The following CFAP54 variants were observed in gnomAD, a reference collection of about 807,000 sequenced individuals.
CFAP54 encodes cilia and flagella associated protein 54.
CFAP54 carries 290 observed loss-of-function variants against 370.4 expected under a neutral mutation model. The observed-to-expected ratio is 0.78, with a 90% CI of 0.71 to 0.86. CFAP54 has a LOEUF of 0.86. Ranked by LOEUF, CFAP54 falls within the 40% of genes least tolerant of loss-of-function variation. The pLI is 0.00. For missense variants in CFAP54, 3,399 were observed against 3,528.7 expected (o/e 0.96, Z 0.93); for synonymous variants, 1,206 against 1,236.5 (o/e 0.98, Z 0.52).
chr12:96,804,351 TTC>T (rs1455181910), intron 63 of CFAP54, among the ~76,000 whole-genome samples: 2 of 152,148 alleles, frequency 1.3e-5, no homozygotes, highest in Non-Finnish European at 2.9e-5. Context: ...GTCAAATCAC[TTC>T]TGTTTGCTGA....
At chr12:96,612,451 C>A (rs528030642) in intron 26 of CFAP54, among the ~76,000 whole-genome samples, 1 of 152,308 alleles carries the variant, frequency 6.6e-6, no homozygotes, top group South Asian at 2.1e-4. Flanking sequence ...ATTGTAAAGA[C>A]CATCGATGCT....
Position 96,504,951 on chromosome 12 carries a change from TTTTC to T in CFAP54, c.567+943_567+946del, listed in dbSNP as rs748953509. ...TTTTTCTTTCTTCCTCTTTCTTTCT[TTTTC>T]TTTCTTTCTTTCTTTCTTTCCCTTT... On this transcript the variant is annotated intron_variant, in intron 3 of 67. Transcript: ENST00000524981. Among the ~76,000 whole-genome samples the T allele has an allele frequency of 6.6e-3, 938 of 142,566 alleles. 7 individuals carry two copies. Among genetic ancestry groups the T allele is most frequent in the African/African-American group, 0.016 (645 of 40,568 alleles). The allele number at this position is 142,566 out of a possible 152,430, so 93.5% of individuals were successfully genotyped here.
intron 55 of CFAP54, among the ~76,000 whole-genome samples, chr12:96,751,621 G>A (rs558798639): frequency 6.6e-6 from 1 of 152,268 alleles, no homozygotes; most frequent in East Asian, 1.9e-4. Context: ...AAGGGGAGAT[G>A]TTGAAATATG....
At chr12:96,792,084 G>A (rs377719191) in intron 62 of CFAP54, among the ~76,000 whole-genome samples, 3 of 152,016 alleles carry the variant, frequency 2.0e-5, no homozygotes, top group Admixed American at 1.3e-4. Context: ...ACTCCTGACC[G>A]TGTGATCCAC....
Position 96,651,728 on chromosome 12 carries a change from C to T in CFAP54, c.5013C>T (p.Phe1671=), listed in dbSNP as rs1464335807. 1.2e-6 allele frequency: 2 copies of T among 1,613,832 alleles called. No individual in the cohort carries two copies. Among genetic ancestry groups the T allele is most frequent in the East Asian group, 4.5e-5 (2 of 44,874 alleles). ...CATTTCCTATTAGCCAAGATGGTTTCCTCTGCACCTCTGTTTTACCATTCT... is the reference window on the plus strand; with the variant it reads ...CATTTCCTATTAGCCAAGATGGTTTTCTCTGCACCTCTGTTTTACCATTCT... ...DKTFPISQDG[F]LCTSVLPFYL... The change falls in exon 36 of 68, where the codon TTC becomes TTT. Residue 1671 remains phenylalanine (F), a synonymous_variant. Transcript: ENST00000524981.
At chr12:96,531,708 T>C (rs1955441807) in intron 9 of CFAP54, among the ~76,000 whole-genome samples, 2 of 152,188 alleles carry the variant, frequency 1.3e-5, no homozygotes, top group South Asian at 4.1e-4. Context: ...TCAACAATGA[T>C]ATACTTTTTT....
At chr12:96,658,473 T>G (rs1956950464) in intron 38 of CFAP54, 127 bp downstream of exon 38, 2 of 1,154,794 alleles carry the variant, frequency 1.7e-6, no homozygotes, top group African/African-American at 1.6e-5. Flanking sequence ...TTACTGGCAT[T>G]TATCATTCAA....
intron 58 of CFAP54, among the ~76,000 whole-genome samples, chr12:96,763,280 TA>T (rs1369912955): frequency 6.6e-6 from 1 of 151,848 alleles, no homozygotes; most frequent in African/African-American, 2.4e-5. Context: ...ACCCCCATGG[TA>T]AAAAAAATCC....
At position 96,624,118 on chromosome 12, in the gene CFAP54, C is replaced by T. The variant is rs375936411; in HGVS notation, c.3886+237C>T. ...CTTAGGATTACATAGCTGGCTTGGA[C>T]TTGAGCCTGTGTCTTCTGACTCTAA... On this transcript the variant is annotated intron_variant, in intron 28 of 67. Transcript: ENST00000524981. Among the ~76,000 whole-genome samples the T allele has an allele frequency of 2.6e-5, 4 of 152,176 alleles. No homozygotes were observed. In the South Asian group the frequency reaches 8.3e-4, roughly 31 times the overall value.
chr12:96,550,209 G>GAT (rs1592846246), intron 15 of CFAP54, among the ~76,000 whole-genome samples: 1 of 152,072 alleles, frequency 6.6e-6, no homozygotes, highest in Admixed American at 6.6e-5. Flanking sequence ...TAAAGATGAT[G>GAT]GTGGTGGTAG....
intron 52 of CFAP54, 57 bp from the exon 53 acceptor site, chr12:96,743,345 A>G (rs1290002454): frequency 1.3e-6 from 2 of 1,566,616 alleles, no homozygotes; most frequent in Non-Finnish European, 1.7e-6. Flanking sequence ...GCTATTACAC[A>G]TGTATAACTT....
intron 42 of CFAP54, among the ~76,000 whole-genome samples, chr12:96,687,123 T>C (rs540373393): frequency 1.3e-5 from 2 of 152,254 alleles, no homozygotes; most frequent in East Asian, 3.9e-4. Flanking sequence ...CCTCTCTCTG[T>C]CTGTCTCTCA....
chr12:96,556,882 A>G (rs1273672608), intron 17 of CFAP54, among the ~76,000 whole-genome samples: 3 of 151,876 alleles, frequency 2.0e-5, no homozygotes, highest in African/African-American at 4.9e-5. Context: ...GAGGGGAACA[A>G]TAGACACTGG....
chr12:96,699,638 CAAA>C (rs541656249), intron 45 of CFAP54, among the ~76,000 whole-genome samples: 1 of 151,384 alleles, frequency 6.6e-6, no homozygotes, highest in Non-Finnish European at 1.5e-5. Context: ...GTAATGGGAA[CAAA>C]AAAAATCATT....
chr12:96,719,548 C>T (rs1476810005), intron 49 of CFAP54, among the ~76,000 whole-genome samples: 1 of 152,190 alleles, frequency 6.6e-6, no homozygotes, highest in East Asian at 1.9e-4. Flanking sequence ...CCACATTATT[C>T]ACAGATTCTG....
chr12:96,827,899 A>G (rs1214644566), intron 65 of CFAP54, among the ~76,000 whole-genome samples: 1 of 113,988 alleles, frequency 8.8e-6, no homozygotes, highest in Non-Finnish European at 1.7e-5. Flanking sequence ...ATATATAATT[A>G]TATATAATAC....
At chr12:96,531,665 C>A (rs1955441366) in intron 9 of CFAP54, among the ~76,000 whole-genome samples, 1 of 152,012 alleles carries the variant, frequency 6.6e-6, no homozygotes, top group Non-Finnish European at 1.5e-5. Context: ...TCTCTCTGTT[C>A]TACTCTTCTG....
chr12:96,663,863 A>C lies in CFAP54; in HGVS notation c.5494A>C (p.Lys1832Gln). The C allele has an allele frequency of 1.2e-6, 2 of 1,613,284 alleles. No homozygotes were observed. The highest frequency in any genetic ancestry group is 8.5e-7 in the Non-Finnish European group (1 of 1,179,604). Reference sequence around the variant, plus strand: ...CCGAAATTTCATTGGGAAGCAGCTTAAGATTAATTCTTCAACCATTGAAGC... The same window carrying C: ...CCGAAATTTCATTGGGAAGCAGCTTCAGATTAATTCTTCAACCATTGAAGC... ...TCRNFIGKQLKINSSTIEATS... is the reference protein window; with the variant it reads ...TCRNFIGKQLQINSSTIEATS... The change falls in exon 39 of 68, where the codon AAG (lysine) becomes CAG (glutamine). Residue 1832 changes from lysine to glutamine, a missense_variant. By Grantham distance (53) the Lys-to-Gln change is moderately conservative. Transcript: ENST00000524981.
Position 96,651,894 on chromosome 12 carries a change from GTT to G in CFAP54, c.5100+89_5100+90del, listed in dbSNP as rs11314540. The G allele has an allele frequency of 4.2e-3, 2,928 of 689,198 alleles. 56 individuals are homozygous for G. The highest frequency in any genetic ancestry group is 0.041 in the African/African-American group (2,188 of 53,934). 42.7% of individuals were successfully genotyped at this position (689,198 alleles called of 1,614,324 possible). On this transcript the variant is annotated intron_variant, in intron 36 of 67. Transcript: ENST00000524981. The stretch of plus-strand genomic sequence containing the variant: ...GTGCATCTTGGTATAAGTAGAAACT[GTT>G]TTTTTTTTTATTTCTCATTTGGTTT...
Sources: gnomAD v4.1 joint callset for allele counts (sites outside exome capture counted in the v4.1 genomes callset) on GRCh38, gnomAD v4.1.1 for gene constraint, MANE v1.5 for transcripts, NCBI Gene and HGNC (gene_info 2026-07-23, HGNC 2026-07-21) for gene names.